The following IFT74 variants were observed in gnomAD, a reference collection of about 807,000 sequenced individuals.
IFT74 encodes the protein intraflagellar transport 74.
In IFT74, 92 loss-of-function variants were observed where a neutral mutation model predicts 96.7. The ratio of observed to expected loss-of-function variants is 0.95; its 90% confidence interval spans 0.80 to 1.13. IFT74 has a LOEUF of 1.13. IFT74 is among the 50% of genes most tolerant of loss of function. The pLI, the probability that IFT74 is intolerant of heterozygous loss-of-function variation, is 0.00. For missense variants in IFT74, 811 were observed against 698.2 expected (o/e 1.16, Z -1.82); for synonymous variants, 223 against 213.2 (o/e 1.05, Z -0.40).
Position 27,063,058 on chromosome 9 carries a change from G to T in IFT74, c.*322G>T. On this transcript the variant is annotated 3_prime_UTR_variant, in exon 20 of 20. Coordinates refer to ENST00000380062, the MANE Select transcript of IFT74 (RefSeq NM_025103.4). ...GCAACAAATGAGATAAGCTTTTCTT[G>T]TATCAACTCTAGGACGGATGCATGG... is the stretch of plus-strand genomic sequence containing the variant. 1 of 229,800 alleles carries T rather than the reference G, an allele frequency of 4.4e-6. No individual in the cohort carries two copies. The highest frequency in any genetic ancestry group is 8.4e-6 in the Non-Finnish European group (1 of 119,014). 14.2% of individuals were successfully genotyped at this position (229,800 alleles called of 1,614,324 possible).
At chr9:26,994,921 C>G (rs2131563833) in intron 8 of IFT74, 1 of 152,456 alleles carries the variant, frequency 6.6e-6, no homozygotes, top group Admixed American at 6.5e-5. Flanking sequence ...TAACCAGAAT[C>G]AATAGTGACT....
At chr9:26,975,576 G>C (rs1004749191) in intron 2 of IFT74, among the ~76,000 whole-genome samples, 2 of 152,144 alleles carry the variant, frequency 1.3e-5, no homozygotes, top group Non-Finnish European at 2.9e-5. Flanking sequence ...TCACGCGCTT[G>C]GCTGTTTATT....
At chr9:27,003,798 C>T (rs1828631797) in intron 8 of IFT74, among the ~76,000 whole-genome samples, 1 of 152,068 alleles carries the variant, frequency 6.6e-6, no homozygotes, top group African/African-American at 2.4e-5. Flanking sequence ...CTTTTAGAGC[C>T]AGAAGTGCAT....
At chr9:26,962,540 T>C (rs1182404061) in intron 2 of IFT74, among the ~76,000 whole-genome samples, 2 of 152,256 alleles carry the variant, frequency 1.3e-5, no homozygotes, top group African/African-American at 2.4e-5. Flanking sequence ...GATTAATGTG[T>C]GTTTCAAATT....
chr9:26,990,215 A>G lies in IFT74; in HGVS notation c.587+20A>G. ...ACAAGCGTAAGTATAGCTAATTTAA[A>G]AATTAGATTCATAAGTAAGCTTTAT... On this transcript the variant is annotated intron_variant, in intron 8 of 19. Transcript: ENST00000380062. 7.9e-7 allele frequency: 1 copy of G among 1,264,362 alleles called. No homozygotes were observed. The highest frequency in any genetic ancestry group is 1.1e-6 in the Non-Finnish European group (1 of 944,754). 78.3% of individuals were successfully genotyped at this position (1,264,362 alleles called of 1,614,324 possible). A position where few individuals can be genotyped will look rare whatever the true frequency, so the allele number is the denominator to read the frequency against.
At chr9:26,962,826 AAC>A (rs1826423407) in intron 2 of IFT74, among the ~76,000 whole-genome samples, 1 of 152,074 alleles carries the variant, frequency 6.6e-6, no homozygotes, top group African/African-American at 2.4e-5. Context: ...CAAAAAATAA[AAC>A]ACCATAAAAA....
At chr9:26,984,168 A>T in intron 4 of IFT74, 89 bp from the exon 5 acceptor site, 2 of 940,446 alleles carry the variant, frequency 2.1e-6, no homozygotes, top group South Asian at 1.6e-5. Flanking sequence ...TTATATTATT[A>T]TTACGTATTA....
At position 27,065,550 on chromosome 9, in the gene IFT74, G is replaced by A. The variant is rs1461464355; in HGVS notation, c.*2814G>A. ...TATCAGTAAATAAACATGAGTTCTT[G>A]ATATTCTTTTTCCTGTGGAGCCCCT... On this transcript the variant is annotated 3_prime_UTR_variant, in exon 20 of 20. Transcript: ENST00000380062. Among the ~76,000 whole-genome samples the A allele has an allele frequency of 6.6e-6, 1 of 152,098 alleles. No individual in the cohort carries two copies. The highest frequency in any genetic ancestry group is 1.5e-5 in the Non-Finnish European group (1 of 67,998).
At chr9:26,958,042 C>A (rs1003606523) in intron 1 of IFT74, among the ~76,000 whole-genome samples, 1 of 152,058 alleles carries the variant, frequency 6.6e-6, no homozygotes, top group Non-Finnish European at 1.5e-5. Context: ...CGTGAGCCAC[C>A]GCTCCCGGTC....
chr9:27,027,780 G>T (rs935483394), intron 12 of IFT74, among the ~76,000 whole-genome samples: 2 of 151,682 alleles, frequency 1.3e-5, no homozygotes, highest in African/African-American at 4.8e-5. Context: ...TCATTTTCTT[G>T]GTGTCTTTGG....
intron 18 of IFT74, among the ~76,000 whole-genome samples, chr9:27,056,858 G>GGATGGATAGATA (rs778203623): frequency 6.9e-6 from 1 of 144,572 alleles, no homozygotes; most frequent in Non-Finnish European, 1.5e-5. Flanking sequence ...TTTAGTCAAT[G>GGATGGATAGATA]GATAGATAGA....
chr9:27,028,808 A>G lies in IFT74; in HGVS notation c.975-217A>G, dbSNP rs1450519885. 1.1e-5 allele frequency: 4 copies of G among 356,448 alleles called. No homozygotes were observed. The Admixed American group carries it at 1.5e-4, about 13-fold the overall frequency. 22.1% of individuals were successfully genotyped at this position (356,448 alleles called of 1,614,324 possible). A position where few individuals can be genotyped will look rare whatever the true frequency, so the allele number is the denominator to read the frequency against. On this transcript the variant is annotated intron_variant, in intron 12 of 19. Transcript: ENST00000380062. ...GATTCTTCCTCTCTAAATTTATAGT[A>G]TTGTCCTCATAATAGGATATGCTAT...
At chr9:26,953,767 C>A (rs1415033862), upstream of IFT74, among the ~76,000 whole-genome samples, 1 of 152,154 alleles carries the variant, frequency 6.6e-6, no homozygotes, top group East Asian at 1.9e-4. Context: ...GCCTTGGCCT[C>A]CCAAAATGTT....
At chr9:27,014,938 G>A (rs1032477385) in intron 10 of IFT74, among the ~76,000 whole-genome samples, 1 of 152,118 alleles carries the variant, frequency 6.6e-6, no homozygotes, top group African/African-American at 2.4e-5. Flanking sequence ...TTTAGGACTT[G>A]TTCTTCAAGA....
chr9:27,037,441 G>C (rs1461936410), intron 13 of IFT74, among the ~76,000 whole-genome samples: 1 of 152,196 alleles, frequency 6.6e-6, no homozygotes, highest in Non-Finnish European at 1.5e-5. Flanking sequence ...ACAGCCACAC[G>C]AACTTAAAGA....
At chr9:27,037,238 A>AGG (rs1173654719) in intron 13 of IFT74, among the ~76,000 whole-genome samples, 1 of 151,626 alleles carries the variant, frequency 6.6e-6, no homozygotes, top group African/African-American at 2.4e-5. Context: ...AAAAAAAAAA[A>AGG]AGCTTGCAGA....
chr9:27,051,087 G>T (rs761328234), intron 16 of IFT74, among the ~76,000 whole-genome samples: 11 of 152,056 alleles, frequency 7.2e-5, no homozygotes, highest in Non-Finnish European at 1.0e-4. Flanking sequence ...TGATGACAAG[G>T]TATTCCCTCA....
At position 26,995,807 on chromosome 9, in the gene IFT74, A is replaced by C. The variant is rs755982815; in HGVS notation, c.587+5612A>C. 133 of 1,609,618 alleles carry C rather than the reference A, an allele frequency of 8.3e-5. No individual in the cohort carries two copies. The highest frequency in any genetic ancestry group is 1.0e-4 in the Non-Finnish European group (122 of 1,177,824). ...TGAAGTCGTCAGTACAGTGACAACA[A>C]CACCAACAAGAAAAGCCCAACTTTT... On this transcript the variant is annotated intron_variant, in intron 8 of 19. Transcript: ENST00000380062.
chr9:27,012,940 A>T (rs1829175024), intron 10 of IFT74, among the ~76,000 whole-genome samples: 1 of 151,870 alleles, frequency 6.6e-6, no homozygotes, highest in South Asian at 2.1e-4. Flanking sequence ...GATGGTCTCG[A>T]TCTCCTGACC....
Sources: gnomAD v4.1 joint callset for allele counts (sites outside exome capture counted in the v4.1 genomes callset) on GRCh38, gnomAD v4.1.1 for gene constraint, MANE v1.5 for transcripts, NCBI Gene and HGNC (gene_info 2026-07-23, HGNC 2026-07-21) for gene names.